PLAGL2: variants seen among roughly 807,000 people sequenced by gnomAD.
PLAGL2 encodes zinc finger protein PLAGL2.
Under a neutral mutation model 29.0 loss-of-function variants are expected in PLAGL2, and 7 were observed. The ratio of observed to expected loss-of-function variants is 0.24; its 90% CI spans 0.14 to 0.45. The LOEUF is 0.45. Among genes scored for constraint, PLAGL2 ranks in the 20% least tolerant of loss-of-function variants. The pLI is 0.99. For missense variants in PLAGL2, 454 were observed against 648.2 expected (o/e 0.70, Z 3.25); for synonymous variants, 234 against 266.0 (o/e 0.88, Z 1.17).
chr20:32,203,222 A>C (rs1162101606), intron 1 of PLAGL2, among the ~76,000 whole-genome samples: 1 of 152,218 alleles, frequency 6.6e-6, no homozygotes. Context: ...CAGATAGGTA[A>C]ACTAGTCACT....
chr20:32,204,326 T>C (rs964888480), intron 1 of PLAGL2, among the ~76,000 whole-genome samples: 1 of 151,974 alleles, frequency 6.6e-6, no homozygotes, highest in African/African-American at 2.4e-5. Context: ...GAACATTACG[T>C]CCCCACCTCC....
rs2047224710 is a variant in PLAGL2 at position 32,195,826 on chromosome 20, C to T, written c.*626G>A. ...TTCACTGCAATCACTCTAAGGCTAACAGCTTGGCAAGGGAGGTGAAATGGT... is the reference window on the plus strand; with the variant it reads ...TTCACTGCAATCACTCTAAGGCTAATAGCTTGGCAAGGGAGGTGAAATGGT... On this transcript the variant is annotated 3_prime_UTR_variant, in exon 3 of 3. Transcript: ENST00000246229. 6.5e-6 allele frequency: 1 copy of T among 152,788 alleles called. No individual in the cohort carries two copies. The highest frequency in any genetic ancestry group is 6.5e-5 in the Admixed American group (1 of 15,284). The allele number at this position is 152,788 out of a possible 1,614,324, so 9.5% of individuals were successfully genotyped here.
chr20:32,200,404 T>A (rs1267020861), intron 2 of PLAGL2, among the ~76,000 whole-genome samples: 1 of 151,774 alleles, frequency 6.6e-6, no homozygotes, highest in Admixed American at 6.6e-5. Context: ...GCCCAGCTAA[T>A]TTTTTTTGTA....
rs1221143514 is a variant in PLAGL2, at chr20:32,194,479, G to A, written c.*1973C>T. On this transcript the variant is annotated 3_prime_UTR_variant, in exon 3 of 3. Transcript: ENST00000246229. ...ACCTTGCCAGACATTTTAATATCTG[G>A]TGTTTTTAAAAAGGTATCCCAAGCT... is the stretch of plus-strand genomic sequence containing the variant. 6.6e-6 allele frequency: 1 copy of A among 152,604 alleles called. No homozygotes were observed. The highest frequency in any genetic ancestry group is 6.5e-5 in the Admixed American group (1 of 15,276). 9.5% of individuals were successfully genotyped at this position (152,604 alleles called of 1,614,324 possible).
chr20:32,197,775 C>A lies in PLAGL2; in HGVS notation c.261-93G>T. 1 of 1,050,608 alleles carries A rather than the reference C, an allele frequency of 9.5e-7. No individual in the cohort carries two copies. The highest frequency in any genetic ancestry group is 1.4e-6 in the Non-Finnish European group (1 of 713,954). 65.1% of individuals were successfully genotyped at this position (1,050,608 alleles called of 1,614,324 possible). A position where few individuals can be genotyped will look rare whatever the true frequency, so the allele number is the denominator to read the frequency against. Reference sequence around the variant, plus strand: ...ACCAAAGGTGTCCATTAACAGGAAACTAGATATAAAAACCATGGTAAAGGC... The same window carrying A: ...ACCAAAGGTGTCCATTAACAGGAAAATAGATATAAAAACCATGGTAAAGGC... On this transcript the variant is annotated intron_variant, in intron 2 of 2. Coordinates refer to ENST00000246229, the MANE Select transcript of PLAGL2 (RefSeq NM_002657.3). This position sits in a 1 kb window ranked among gnomAD's most constrained non-coding sequence, Gnocchi z 6.6.
Position 32,197,067 on chromosome 20 carries a change from C to T in PLAGL2, c.876G>A (p.Met292Ile). ...DVMGTKAFPG[M>I]LPMGMYGAHI... ...GGGCACCATACATGCCCATGGGCAA[C>T]ATGCCAGGGAAGGCCTTGGTCCCCA... The change falls in exon 3 of 3, where the codon ATG becomes ATA. Residue 292 changes from methionine (M) to isoleucine (I), a missense_variant. Met to Ile is a conservative substitution (Grantham distance 10). Coordinates refer to ENST00000246229, the MANE Select transcript of PLAGL2 (RefSeq NM_002657.3). This position sits in a 1 kb window ranked among gnomAD's most constrained non-coding sequence, Gnocchi z 6.6. The T allele has an allele frequency of 6.2e-7, 1 of 1,614,208 alleles. No homozygotes were observed.
Position 32,202,143 on chromosome 20 carries a change from A to T in PLAGL2, c.36T>A (p.Ile12=), listed in dbSNP as rs753266562. The part of the protein sequence containing the change: ...TTFFTSVPPW[I]QDAKQEEEVG... ...CTTCCTCCTCCTGCTTTGCATCTTG[A>T]ATCCAGGGGGGGACGCTGGTGAAAA... Residue 12 remains isoleucine (I), a synonymous_variant, in exon 2 of 3, where the codon ATT becomes ATA. Transcript: ENST00000246229. 6.2e-7 allele frequency: 1 copy of T among 1,614,170 alleles called. No individual in the cohort carries two copies. Among genetic ancestry groups the T allele is most frequent in the Non-Finnish European group, 8.5e-7 (1 of 1,180,026 alleles).
Position 32,194,598 on chromosome 20 carries a change from C to G in PLAGL2, c.*1854G>C, listed in dbSNP as rs908860518. 1 of 152,650 alleles carries G rather than the reference C, an allele frequency of 6.6e-6. No individual in the cohort carries two copies. The highest frequency in any genetic ancestry group is 2.4e-5 in the African/African-American group (1 of 41,454). The allele number at this position is 152,650 out of a possible 1,614,324, so 9.5% of individuals were successfully genotyped here. ...AGGCTTTTACCTCAAACAAGGAGTA[C>G]TGGCTTAGGCTGAAGCAGAAAGCTG... is the stretch of plus-strand genomic sequence containing the variant. On this transcript the variant is annotated 3_prime_UTR_variant, in exon 3 of 3. Transcript: ENST00000246229.
chr20:32,205,873 G>A (rs529631949), intron 1 of PLAGL2, among the ~76,000 whole-genome samples: 13 of 152,258 alleles, frequency 8.5e-5, no homozygotes, highest in African/African-American at 3.1e-4. Context: ...ACAGTTGAGA[G>A]ATAACACCCC....
intron 2 of PLAGL2, among the ~76,000 whole-genome samples, chr20:32,201,322 T>C (rs532706759): frequency 1.1e-4 from 16 of 152,232 alleles, no homozygotes; most frequent in Middle Eastern, 3.4e-3. Context: ...CGGTGGCTCA[T>C]GCCTGTAATC....
rs756268657 is a variant in PLAGL2, at chr20:32,196,949, T to C, written c.994A>G (p.Ile332Val). The C allele has an allele frequency of 3.1e-6, 5 of 1,614,094 alleles. No homozygotes were observed. The highest frequency in any genetic ancestry group is 4.5e-5 in the East Asian group (2 of 44,872). ...GMSYPLESSPISSPAQLPPKY... is the reference protein window; with the variant it reads ...GMSYPLESSPVSSPAQLPPKY... ...GGAGGGAGCTGAGCTGGGGAAGAGA[T>C]AGGTGAGGATTCCAGAGGGTAGCTC... Residue 332 changes from isoleucine (I) to valine (V), a missense_variant, in exon 3 of 3, where the codon ATC (isoleucine) becomes GTC (valine). Ile to Val is a conservative substitution (Grantham distance 29). This residue lies in a region of PLAGL2 where 247 missense variants were observed against 350.3 expected (regional missense o/e 0.71). Coordinates refer to ENST00000246229, the MANE Select transcript of PLAGL2 (RefSeq NM_002657.3).
At position 32,197,212 on chromosome 20, in the gene PLAGL2, T is replaced by C. The variant is rs763921812; in HGVS notation, c.731A>G (p.Gln244Arg). The C allele has an allele frequency of 6.2e-7, 1 of 1,614,212 alleles. No homozygotes were observed. The highest frequency in any genetic ancestry group is 8.5e-7 in the Non-Finnish European group (1 of 1,180,022). The change falls in exon 3 of 3, where the codon CAG (glutamine) becomes CGG (arginine). Residue 244 changes from glutamine to arginine, a missense_variant. Physicochemically the swap from Gln to Arg is conservative, Grantham distance 43. Transcript: ENST00000246229. This position sits in a 1 kb window ranked among gnomAD's most constrained non-coding sequence, Gnocchi z 6.6. ...CTCTGTCTTGATCTTGAGCAGCTCC[T>C]GCGAGTGGCTCTTCTTGACATGACG... The part of the protein sequence containing the change: ...LTRHVKKSHS[Q>R]ELLKIKTEPV...
At chr20:32,205,937 G>C (rs1256480563) in intron 1 of PLAGL2, among the ~76,000 whole-genome samples, 3 of 152,098 alleles carry the variant, frequency 2.0e-5, no homozygotes, top group African/African-American at 7.2e-5. Flanking sequence ...GACCCACAGA[G>C]GATTAACAGC....
chr20:32,199,403 T>C (rs1402534981), intron 2 of PLAGL2, among the ~76,000 whole-genome samples: 1 of 152,096 alleles, frequency 6.6e-6, no homozygotes, highest in Non-Finnish European at 1.5e-5. Flanking sequence ...ATTTTGCAGG[T>C]GAGGAAACTG....
intron 2 of PLAGL2, among the ~76,000 whole-genome samples, chr20:32,199,717 G>A (rs1794267854): frequency 6.6e-6 from 1 of 152,184 alleles, no homozygotes; most frequent in Non-Finnish European, 1.5e-5. Flanking sequence ...GTACATGCCT[G>A]TGATCCTAGC....
chr20:32,198,948 A>G (rs1046473077), intron 2 of PLAGL2, among the ~76,000 whole-genome samples: 2 of 152,330 alleles, frequency 1.3e-5, no homozygotes, highest in East Asian at 1.9e-4. Flanking sequence ...ATGGCACTTC[A>G]GTGTCCCTTG....
chr20:32,203,248 C>A (rs1295313546), intron 1 of PLAGL2, among the ~76,000 whole-genome samples: 7 of 152,240 alleles, frequency 4.6e-5, no homozygotes, highest in African/African-American at 1.7e-4. Context: ...CAGGTTGATT[C>A]TCAGGGACCA....
rs1472630640 is a variant in PLAGL2, at chr20:32,202,203, T to C, written c.-25A>G. ...TGGCAAGGCTAATGGCAAAGGGCCA[T>C]GTTATTGAGAAAGCCTCCCCATCCG... On this transcript the variant is annotated 5_prime_UTR_variant, in exon 2 of 3. It removes an upstream start codon present in the reference 5' UTR. Coordinates refer to ENST00000246229, the MANE Select transcript of PLAGL2 (RefSeq NM_002657.3). 2.5e-6 allele frequency: 4 copies of C among 1,610,714 alleles called. No individual in the cohort carries two copies. The highest frequency in any genetic ancestry group is 2.2e-5 in the East Asian group (1 of 44,814).
At chr20:32,203,990 T>G (rs1292364581) in intron 1 of PLAGL2, among the ~76,000 whole-genome samples, 2 of 152,218 alleles carry the variant, frequency 1.3e-5, no homozygotes, top group Non-Finnish European at 2.9e-5. Flanking sequence ...TGTGCCTGCT[T>G]CACTATAAAC....
Sources: gnomAD v4.1 joint callset for allele counts (sites outside exome capture counted in the v4.1 genomes callset) on GRCh38, gnomAD v4.1.1 for gene constraint, gnomAD v4.1.1 regional missense constraint, Gnocchi (gnomAD v3.1) non-coding constraint, MANE v1.5 for transcripts, NCBI Gene and HGNC (gene_info 2026-07-23, HGNC 2026-07-21) for gene names.